The following PRDM11 variants were observed in gnomAD, a reference collection of about 807,000 sequenced individuals.
PRDM11 encodes the protein PR/SET domain 11, also known as PR domain-containing protein 11.
Under a neutral mutation model 97.8 loss-of-function variants are expected in PRDM11, and 20 were observed. The observed-to-expected ratio is 0.20, with a 90% CI of 0.14 to 0.30. The LOEUF is 0.30. Ranked by LOEUF, PRDM11 falls within the 10% of genes least tolerant of loss-of-function variation. The pLI, the probability that PRDM11 is intolerant of heterozygous loss-of-function variation, is 1.00. For synonymous variants in PRDM11, 599 were observed against 637.7 expected (o/e 0.94, Z 0.91); for missense variants, 1,139 against 1,555.2 (o/e 0.73, Z 4.50).
chr11:45,158,592 T>G lies in PRDM11; in HGVS notation c.-7+11715T>G, dbSNP rs1024779431. ...CATGTGTGGAGGCTCAGGATTAGAG[T>G]CCTCACCCTGTCTGCTGTACCCGAC... On this transcript the variant is annotated intron_variant, in intron 1 of 7. Coordinates refer to ENST00000683152, the MANE Select transcript of PRDM11 (RefSeq NM_001384648.1). 2.0e-5 allele frequency among the ~76,000 whole-genome samples: 3 copies of G among 152,206 alleles called. No individual in the cohort carries two copies. The South Asian group carries it at 6.2e-4, about 32-fold the overall frequency.
intron 4 of PRDM11, among the ~76,000 whole-genome samples, chr11:45,191,031 T>A (rs1852894569): frequency 6.6e-6 from 1 of 152,180 alleles, no homozygotes; most frequent in South Asian, 2.1e-4. Context: ...TCCTTTGTGG[T>A]TTTTTCCCCA....
chr11:45,102,923 C>T (rs1852002836), intron 1 of PRDM11, among the ~76,000 whole-genome samples: 2 of 152,164 alleles, frequency 1.3e-5, no homozygotes, highest in South Asian at 4.1e-4. Flanking sequence ...GGAGAGCAGG[C>T]CTGATGTACA....
chr11:45,181,683 T>G (rs1258569055), intron 1 of PRDM11, 78 bp from the exon 2 acceptor site: 2 of 1,230,022 alleles, frequency 1.6e-6, no homozygotes, highest in Admixed American at 1.8e-5. Context: ...GACCCCCACT[T>G]GCCCTCTCCG....
At chr11:45,211,202 G>A (rs912804644) in intron 5 of PRDM11, among the ~76,000 whole-genome samples, 1 of 152,172 alleles carries the variant, frequency 6.6e-6, no homozygotes, top group South Asian at 2.1e-4. Context: ...GATCTCAGGG[G>A]ATGGCTGCTG....
intron 1 of PRDM11, among the ~76,000 whole-genome samples, chr11:45,171,658 G>A (rs888933757): frequency 1.3e-5 from 2 of 152,186 alleles, no homozygotes; most frequent in Admixed American, 1.3e-4. Context: ...GAATGGGACT[G>A]GGGATAGAGG....
intron 1 of PRDM11, among the ~76,000 whole-genome samples, chr11:45,157,813 C>T (rs1851838080): frequency 6.6e-6 from 1 of 152,192 alleles, no homozygotes; most frequent in Admixed American, 6.5e-5. Flanking sequence ...GCTGCAGGAA[C>T]GTGGACTGGT....
intron 3 of PRDM11, 61 bp from the exon 4 acceptor site, chr11:45,182,800 C>T: frequency 6.6e-7 from 1 of 1,507,000 alleles, no homozygotes; most frequent in Non-Finnish European, 8.9e-7. Context: ...TCTACCTCCC[C>T]CATGGGGGTC....
intron 1 of PRDM11, among the ~76,000 whole-genome samples, chr11:45,113,990 A>G (rs1302972361): frequency 6.6e-6 from 1 of 151,982 alleles, no homozygotes; most frequent in Non-Finnish European, 1.5e-5. Flanking sequence ...CTCTTTTTCA[A>G]TCTGGATGCC....
At chr11:45,161,817 C>T (rs746685718) in intron 1 of PRDM11, among the ~76,000 whole-genome samples, 1 of 152,242 alleles carries the variant, frequency 6.6e-6, no homozygotes, top group Non-Finnish European at 1.5e-5. Context: ...CTAAGCAGCT[C>T]CTTGCAGCCA....
At chr11:45,124,549 G>T (rs1271047258) in intron 1 of PRDM11, among the ~76,000 whole-genome samples, 3 of 152,170 alleles carry the variant, frequency 2.0e-5, no homozygotes, top group Non-Finnish European at 4.4e-5. Context: ...TTAGCACGAA[G>T]GGTTGTTGAA....
intron 4 of PRDM11, among the ~76,000 whole-genome samples, chr11:45,199,736 T>C (rs1853259320): frequency 1.3e-5 from 2 of 152,282 alleles, no homozygotes; most frequent in Admixed American, 6.5e-5. Flanking sequence ...AGTCCCAGAA[T>C]AGGAAGCCCA....
At chr11:45,176,687 T>A (rs868804100) in intron 1 of PRDM11, among the ~76,000 whole-genome samples, 1 of 152,228 alleles carries the variant, frequency 6.6e-6, no homozygotes, top group Non-Finnish European at 1.5e-5. Flanking sequence ...CATTTATCTT[T>A]TGTGTTCATC....
At chr11:45,172,424 G>A (rs1200023149) in intron 1 of PRDM11, among the ~76,000 whole-genome samples, 1 of 152,138 alleles carries the variant, frequency 6.6e-6, no homozygotes, top group Non-Finnish European at 1.5e-5. Context: ...AAGCTATCTG[G>A]GGGGTCCCAC....
At chr11:45,100,036 G>C (rs1851947275) in intron 1 of PRDM11, among the ~76,000 whole-genome samples, 1 of 152,184 alleles carries the variant, frequency 6.6e-6, no homozygotes, top group South Asian at 2.1e-4. Flanking sequence ...CTAATGTCGG[G>C]AAACCAAAGA....
chr11:45,180,177 G>A (rs1852432540), intron 1 of PRDM11, among the ~76,000 whole-genome samples: 1 of 152,226 alleles, frequency 6.6e-6, no homozygotes, highest in South Asian at 2.1e-4. Flanking sequence ...CATCTTCCAG[G>A]CCCCAATTCC....
intron 1 of PRDM11, among the ~76,000 whole-genome samples, chr11:45,154,761 G>A (rs181010441): frequency 2.0e-5 from 3 of 152,184 alleles, no homozygotes; most frequent in East Asian, 1.9e-4. Flanking sequence ...GCCCAGGCAG[G>A]TTGGCTCTTA....
chr11:45,102,796 A>AG (rs1852000285), intron 1 of PRDM11, among the ~76,000 whole-genome samples: 1 of 152,214 alleles, frequency 6.6e-6, no homozygotes, highest in East Asian at 1.9e-4. Flanking sequence ...CCCATTGCAC[A>AG]GGGGCAGCCA....
rs1435576770 is a variant in PRDM11, at chr11:45,215,932, C to T, written c.555-3638C>T. The T allele has an allele frequency of 7.9e-5, 12 of 152,640 alleles. No homozygotes were observed. In the East Asian group the frequency reaches 2.1e-3, roughly 27 times the overall value. The allele number at this position is 152,640 out of a possible 1,614,324, so 9.5% of individuals were successfully genotyped here. The stretch of plus-strand genomic sequence containing the variant: ...CTGAGCCTGGCCTAGTCAATTCCCT[C>T]CAGCAAAATGGATGCCCTGTGTTAT... On this transcript the variant is annotated intron_variant, in intron 5 of 7. Transcript: ENST00000683152.
intron 5 of PRDM11, among the ~76,000 whole-genome samples, chr11:45,207,695 G>A (rs1374601922): frequency 6.6e-6 from 1 of 152,212 alleles, no homozygotes; most frequent in Non-Finnish European, 1.5e-5. Context: ...GGCCCAAGGA[G>A]ACTCAGTCTC....
Sources: allele counts gnomAD v4.1 joint callset (sites outside exome capture counted in the v4.1 genomes callset), GRCh38; gene constraint gnomAD v4.1.1; transcripts MANE v1.5; gene names NCBI Gene and HGNC (gene_info 2026-07-23, HGNC 2026-07-21).